The following JMY variants were observed in gnomAD, a reference collection of about 807,000 sequenced individuals.
The protein encoded by JMY is junction-mediating and -regulatory protein.
In JMY, 46 loss-of-function variants were observed where a neutral mutation model predicts 103.3. The ratio of observed to expected loss-of-function variants is 0.45; its 90% CI spans 0.35 to 0.57. The LOEUF (loss-of-function observed/expected upper bound fraction) is 0.57. Ranked by LOEUF, JMY falls within the 20% of genes least tolerant of loss-of-function variation. The pLI, the probability that JMY is intolerant of heterozygous loss-of-function variation, is 0.00. For synonymous variants in JMY, 526 were observed against 489.3 expected (o/e 1.07, Z -0.99); for missense variants, 1,238 against 1,255.2 (o/e 0.99, Z 0.21).
intron 2 of JMY, among the ~76,000 whole-genome samples, chr5:79,287,041 T>A: frequency 6.6e-6 from 1 of 152,086 alleles, no homozygotes; most frequent in Non-Finnish European, 1.5e-5. Flanking sequence ...AGGGCATTGC[T>A]TGCCTGGTGC....
At chr5:79,312,821 C>G (rs896678278) in intron 8 of JMY, among the ~76,000 whole-genome samples, 1 of 152,146 alleles carries the variant, frequency 6.6e-6, no homozygotes, top group Non-Finnish European at 1.5e-5. Flanking sequence ...GCTCAAGCAT[C>G]AGCATGTTAT....
intron 6 of JMY, among the ~76,000 whole-genome samples, chr5:79,302,929 C>A (rs569859052): frequency 6.6e-6 from 1 of 152,186 alleles, no homozygotes; most frequent in Admixed American, 6.5e-5. Flanking sequence ...TGACACTTTG[C>A]AGAAAAAGTT....
chr5:79,300,752 A>G lies in JMY; in HGVS notation c.1770A>G (p.Ala590=). 1 of 1,612,580 alleles carries G rather than the reference A, an allele frequency of 6.2e-7. No homozygotes were observed. Among genetic ancestry groups the G allele is most frequent in the Non-Finnish European group, 8.5e-7 (1 of 1,179,426 alleles). ...TGCTGGAGAAGGAAGAGATGGCAGC[A>G]TCTGCGTACTTACAGAGAGAAGAGC... The part of the protein sequence containing the change: ...EAMLEKEEMA[A]SAYLQREELQ... The change falls in exon 6 of 11, where the codon GCA becomes GCG. Residue 590 remains alanine, a synonymous_variant. Transcript: ENST00000396137.
At chr5:79,250,149 T>C (rs1451069336) in intron 1 of JMY, among the ~76,000 whole-genome samples, 1 of 152,222 alleles carries the variant, frequency 6.6e-6, no homozygotes, top group African/African-American at 2.4e-5. Flanking sequence ...CCCAAACTTG[T>C]TTGTACTAAA....
In JMY at chr5:79,236,924, G is replaced by A; in HGVS notation, c.274G>A (p.Ala92Thr). The A allele has an allele frequency of 7.2e-7, 1 of 1,394,422 alleles. No individual in the cohort carries two copies. The highest frequency in any genetic ancestry group is 1.5e-5 in the African/African-American group (1 of 66,024). 86.4% of individuals were successfully genotyped at this position (1,394,422 alleles called of 1,614,324 possible). Residue 92 changes from alanine (A) to threonine (T), a missense_variant, in exon 1 of 11, where the codon GCC becomes ACC. Ala to Thr is a moderately conservative substitution (Grantham distance 58). Coordinates refer to ENST00000396137, the MANE Select transcript of JMY (RefSeq NM_152405.5). ...CCCGGCGGGCAGGGGTCGGCCCGAG[G>A]CCACTGCCTCTGCAACTCTGGTTAG... The part of the protein sequence containing the change: ...GSPAGRGRPE[A>T]TASATLVRSP...
chr5:79,318,755 T>TAG (rs1452546311), intron 10 of JMY, among the ~76,000 whole-genome samples: 14 of 38,578 alleles, frequency 3.6e-4, no homozygotes, highest in South Asian at 2.1e-3. Flanking sequence ...TATATATATA[T>TAG]ATATATAGAG....
chr5:79,298,054 C>A (rs1746616856), intron 4 of JMY, among the ~76,000 whole-genome samples: 1 of 152,140 alleles, frequency 6.6e-6, no homozygotes, highest in South Asian at 2.1e-4. Context: ...GGGGGACTTT[C>A]AACTTTTTTC....
In JMY at chr5:79,236,386, A is replaced by AG. The variant is rs1744492793; in HGVS notation, c.-264dup. The AG allele has an allele frequency of 6.7e-6, 2 of 296,996 alleles. No homozygotes were observed. The highest frequency in any genetic ancestry group is 1.6e-4 in the South Asian group (1 of 6,254). The allele number at this position is 296,996 out of a possible 1,614,324, so 18.4% of individuals were successfully genotyped here. On this transcript the variant is annotated 5_prime_UTR_variant, in exon 1 of 11. Transcript: ENST00000396137. ...GCCGCGAGGCGCTGCGGCAGCGCGG[A>AG]GCTTGTAAACAGATCCGGCCGCAGG...
chr5:79,248,673 C>A (rs1744981798), intron 1 of JMY, among the ~76,000 whole-genome samples: 1 of 151,888 alleles, frequency 6.6e-6, no homozygotes, highest in South Asian at 2.1e-4. Context: ...AAAAAAGTTT[C>A]TTACTAACAA....
intron 4 of JMY, among the ~76,000 whole-genome samples, chr5:79,293,869 A>G (rs576339181): frequency 6.7e-6 from 1 of 148,450 alleles, no homozygotes; most frequent in Admixed American, 6.7e-5. Context: ...AGATTTGGAA[A>G]TAATAGCATA....
At chr5:79,251,636 T>A (rs1745086247) in intron 1 of JMY, among the ~76,000 whole-genome samples, 1 of 151,944 alleles carries the variant, frequency 6.6e-6, no homozygotes, top group Non-Finnish European at 1.5e-5. Context: ...TTTTTTTTTT[T>A]TTTACCCATT....
At chr5:79,267,857 T>C (rs1745629757) in intron 1 of JMY, among the ~76,000 whole-genome samples, 2 of 152,252 alleles carry the variant, frequency 1.3e-5, no homozygotes, top group African/African-American at 4.8e-5. Context: ...GTGTGCAGGT[T>C]TTTGTGTAGA....
intron 1 of JMY, among the ~76,000 whole-genome samples, chr5:79,270,972 A>G (rs1170177916): frequency 6.6e-6 from 1 of 151,992 alleles, no homozygotes; most frequent in Non-Finnish European, 1.5e-5. Flanking sequence ...CTTGGAATAA[A>G]TCACATTCAG....
intron 1 of JMY, among the ~76,000 whole-genome samples, chr5:79,254,087 C>T (rs1169194607): frequency 6.6e-6 from 1 of 150,746 alleles, no homozygotes; most frequent in African/African-American, 2.4e-5. Flanking sequence ...AGCTGGATTA[C>T]AGGTGCCCAC....
Position 79,321,662 on chromosome 5 carries a change from G to T in JMY, c.*60G>T, listed in dbSNP as rs142730711. The stretch of plus-strand genomic sequence containing the variant: ...ATTGGTTCTGATTCTTTTGGAAAAT[G>T]ACAGTTTAAGCACTTGGTTCCTCAG... On this transcript the variant is annotated 3_prime_UTR_variant, in exon 11 of 11. Transcript: ENST00000396137. The T allele has an allele frequency of 6.6e-6, 1 of 152,114 alleles. No individual in the cohort carries two copies. The highest frequency in any genetic ancestry group is 2.4e-5 in the African/African-American group (1 of 41,414). The allele number at this position is 152,114 out of a possible 1,614,324, so 9.4% of individuals were successfully genotyped here. A position where few individuals can be genotyped will look rare whatever the true frequency, so the allele number is the denominator to read the frequency against.
Position 79,237,323 on chromosome 5 carries a change from G to A in JMY, c.673G>A (p.Glu225Lys). The change falls in exon 1 of 11, where the codon GAA becomes AAA. Residue 225 changes from glutamate (E) to lysine (K), a missense_variant. Physicochemically the swap from Glu to Lys is moderately conservative, Grantham distance 56 (BLOSUM62 1). Coordinates refer to ENST00000396137, the MANE Select transcript of JMY (RefSeq NM_152405.5). The part of the protein sequence containing the change: ...PPATELESPA[E>K]ECSWAGLFSF... Reference sequence around the variant, plus strand: ...CGCCACCGAGCTGGAGTCTCCGGCCGAAGAGTGCAGCTGGGCCGGACTGTT... The same window carrying A: ...CGCCACCGAGCTGGAGTCTCCGGCCAAAGAGTGCAGCTGGGCCGGACTGTT... The A allele has an allele frequency of 6.3e-7, 1 of 1,583,914 alleles. No individual in the cohort carries two copies. The highest frequency in any genetic ancestry group is 1.1e-5 in the South Asian group (1 of 88,102).
At position 79,301,965 on chromosome 5, in the gene JMY, C is replaced by T. The variant is rs1746746524; in HGVS notation, c.1881+1102C>T. 2.0e-5 allele frequency among the ~76,000 whole-genome samples: 3 copies of T among 152,060 alleles called. No homozygotes were observed. In the South Asian group the frequency reaches 6.2e-4, roughly 32 times the overall value. On this transcript the variant is annotated intron_variant, in intron 6 of 10. Transcript: ENST00000396137. ...AGGCATGGTGGCACGCGCCTGTAAT[C>T]CCAGCTACTCGGGAGGCTGAGGCAG...
intron 1 of JMY, among the ~76,000 whole-genome samples, chr5:79,253,229 G>A (rs756601474): frequency 5.9e-5 from 9 of 151,652 alleles, no homozygotes; most frequent in Non-Finnish European, 8.8e-5. Context: ...TTCTTTTGTT[G>A]TTGTTGTTGT....
chr5:79,242,818 C>G (rs1042879161), intron 1 of JMY, among the ~76,000 whole-genome samples: 21 of 148,770 alleles, frequency 1.4e-4, no homozygotes, highest in Non-Finnish European at 3.0e-4. Context: ...GTGTCTCACT[C>G]TGTTGCCCAG....
Sources: gnomAD v4.1 joint callset for allele counts (sites outside exome capture counted in the v4.1 genomes callset) on GRCh38, gnomAD v4.1.1 for gene constraint, MANE v1.5 for transcripts, NCBI Gene and HGNC (gene_info 2026-07-23, HGNC 2026-07-21) for gene names.